The following MTMR12 variants were observed in gnomAD, a reference collection of about 807,000 sequenced individuals.
The protein encoded by MTMR12 is myotubularin-related protein 12.
Under a neutral mutation model 96.7 loss-of-function variants are expected in MTMR12, and 33 were observed. The ratio of observed to expected loss-of-function variants is 0.34; its 90% confidence interval spans 0.26 to 0.46. The LOEUF is 0.46. Ranked by LOEUF, MTMR12 falls within the 20% of genes least tolerant of loss-of-function variation. MTMR12 has a pLI of 1.00. For synonymous variants in MTMR12, 298 were observed against 327.2 expected (o/e 0.91, Z 0.96); for missense variants, 721 against 896.1 (o/e 0.80, Z 2.49).
At chr5:32,277,222 C>T (rs1383880402) in intron 1 of MTMR12, among the ~76,000 whole-genome samples, 3 of 151,952 alleles carry the variant, frequency 2.0e-5, no homozygotes, top group East Asian at 1.9e-4. Context: ...AGTGTTCTAA[C>T]TAAAGGAAGA....
intron 5 of MTMR12, among the ~76,000 whole-genome samples, chr5:32,270,010 A>G (rs186689318): frequency 2.4e-4 from 36 of 152,290 alleles, no homozygotes; most frequent in African/African-American, 8.7e-4. Context: ...CACACTACTT[A>G]AAGGAAATTA....
At chr5:32,240,040 C>T (rs75547547) in intron 12 of MTMR12, among the ~76,000 whole-genome samples, 3,574 of 152,296 alleles carry the variant, frequency 0.023, 55 homozygotes, top group African/African-American at 0.032. Flanking sequence ...AGGTGCAACT[C>T]GAGTTGTTTT....
intron 7 of MTMR12, among the ~76,000 whole-genome samples, chr5:32,257,019 C>T (rs762322885): frequency 6.6e-5 from 10 of 152,250 alleles, no homozygotes; most frequent in Non-Finnish European, 1.5e-4. Context: ...CGCAGTGGCT[C>T]ACACCTGTAA....
chr5:32,310,686 T>A (rs1751546571), intron 1 of MTMR12, among the ~76,000 whole-genome samples: 1 of 152,060 alleles, frequency 6.6e-6, no homozygotes, highest in African/African-American at 2.4e-5. Flanking sequence ...GTTTAATGGG[T>A]ACAAAAACAC....
chr5:32,263,813 G>C (rs1227651696), intron 6 of MTMR12, among the ~76,000 whole-genome samples: 1 of 152,140 alleles, frequency 6.6e-6, no homozygotes, highest in African/African-American at 2.4e-5. Context: ...CTAGTCATCT[G>C]ACCATGAGTT....
At chr5:32,296,491 C>T (rs774447425) in intron 1 of MTMR12, 3 of 360,936 alleles carry the variant, frequency 8.3e-6, no homozygotes, top group Admixed American at 3.0e-5. Context: ...AAAAAAGAAA[C>T]GAGAAAAAAA....
In MTMR12 at chr5:32,233,081, G is replaced by A. The variant is rs1290103085; in HGVS notation, c.1674+692C>T. The A allele has an allele frequency of 1.1e-6, 1 of 920,138 alleles. No homozygotes were observed. Among genetic ancestry groups the A allele is most frequent in the Non-Finnish European group, 1.3e-6 (1 of 770,626 alleles). 57.0% of individuals were successfully genotyped at this position (920,138 alleles called of 1,614,324 possible). ...GAACTTTGGGATTATCAACTAAAAT[G>A]ACTTTCTGACATTTGTGGCTCATAG... is the stretch of plus-strand genomic sequence containing the variant. On this transcript the variant is annotated intron_variant, in intron 15 of 15. Transcript: ENST00000382142. The surrounding 1 kb of genome is among the most constrained non-coding windows in gnomAD (Gnocchi z 5.0).
intron 1 of MTMR12, among the ~76,000 whole-genome samples, chr5:32,304,264 G>A (rs75704851): frequency 0.015 from 2,220 of 151,930 alleles, 37 homozygotes; most frequent in East Asian, 0.069. Flanking sequence ...AGGTTGCAGT[G>A]AGCCAAGATC....
At chr5:32,231,356 G>A (rs1747988676) in intron 15 of MTMR12, among the ~76,000 whole-genome samples, 2 of 142,876 alleles carry the variant, frequency 1.4e-5, no homozygotes, top group Admixed American at 7.0e-5. Context: ...TCCAGCCTGG[G>A]CAATGACAGC....
chr5:32,309,914 G>A (rs959156045), intron 1 of MTMR12: 3 of 152,156 alleles, frequency 2.0e-5, no homozygotes, highest in Non-Finnish European at 2.9e-5. Context: ...TGGTGGGAAC[G>A]TAAATCAATA....
chr5:32,283,260 G>T, intron 1 of MTMR12, among the ~76,000 whole-genome samples: 1 of 152,152 alleles, frequency 6.6e-6, no homozygotes, highest in East Asian at 1.9e-4. Flanking sequence ...AGTCACTTGT[G>T]GACTGTAGAC....
At chr5:32,279,720 G>GC (rs988462846) in intron 1 of MTMR12, among the ~76,000 whole-genome samples, 2 of 152,214 alleles carry the variant, frequency 1.3e-5, no homozygotes, top group African/African-American at 4.8e-5. Flanking sequence ...CACGGACCTG[G>GC]CAGGGGGGCA....
At chr5:32,244,354 C>T (rs1350639527) in intron 10 of MTMR12, among the ~76,000 whole-genome samples, 2 of 151,240 alleles carry the variant, frequency 1.3e-5, no homozygotes, top group Non-Finnish European at 2.9e-5. Context: ...CTTTGGGAGG[C>T]GGAGGTGGGC....
intron 11 of MTMR12, among the ~76,000 whole-genome samples, chr5:32,242,674 C>T (rs1458364662): frequency 2.6e-5 from 4 of 151,786 alleles, no homozygotes; most frequent in African/African-American, 2.4e-5. Flanking sequence ...CTCCTACCCC[C>T]CAGCCACCTT....
At position 32,240,836 on chromosome 5, in the gene MTMR12, A is replaced by G. The variant is rs1348890234; in HGVS notation, c.1171+1221T>C. ...GGCTGGTCTCCAACTCCTGGCCCCA[A>G]GTGATCTGCCTGCCTTGGCCTCCCA... On this transcript the variant is annotated intron_variant, in intron 12 of 15. Coordinates refer to ENST00000382142, the MANE Select transcript of MTMR12 (RefSeq NM_001040446.3). 2.0e-5 allele frequency among the ~76,000 whole-genome samples: 3 copies of G among 152,252 alleles called. No homozygotes were observed. In the East Asian group the frequency reaches 5.8e-4, roughly 29 times the overall value.
intron 1 of MTMR12, among the ~76,000 whole-genome samples, chr5:32,296,736 G>A (rs1750941278): frequency 6.6e-6 from 1 of 151,748 alleles, no homozygotes; most frequent in African/African-American, 2.4e-5. Context: ...AGGAGTTGAA[G>A]GTTGCAGTGA....
At chr5:32,300,627 G>A (rs1250264676) in intron 1 of MTMR12, among the ~76,000 whole-genome samples, 2 of 152,132 alleles carry the variant, frequency 1.3e-5, no homozygotes, top group Admixed American at 1.3e-4. Context: ...CATACTTACT[G>A]CGCTCCTCAG....
At chr5:32,286,022 T>C (rs1750527426) in intron 1 of MTMR12, among the ~76,000 whole-genome samples, 2 of 152,106 alleles carry the variant, frequency 1.3e-5, no homozygotes, top group African/African-American at 4.8e-5. Flanking sequence ...CCTGAACATG[T>C]TAAGTACCAA....
At position 32,233,916 on chromosome 5, in the gene MTMR12, T is replaced by C. The variant is rs773784329; in HGVS notation, c.1531A>G (p.Thr511Ala). 10 of 1,614,206 alleles carry C rather than the reference T, an allele frequency of 6.2e-6. No homozygotes were observed. The South Asian group carries it at 1.1e-4, about 18-fold the overall frequency. Reference sequence around the variant, plus strand: ...AGCAGATTCAAAGGCTTGCTTTGTGTATCCTGGCCTTCTCTACCCTGCCAA... The same window carrying C: ...AGCAGATTCAAAGGCTTGCTTTGTGCATCCTGGCCTTCTCTACCCTGCCAA... ...DTNMGREGQD[T>A]QSKPLNLLTV... The change falls in exon 15 of 16, where the codon ACA becomes GCA. Residue 511 changes from threonine to alanine, a missense_variant. Transcript: ENST00000382142. This position sits in a 1 kb window ranked among gnomAD's most constrained non-coding sequence, Gnocchi z 5.0.
Sources: gnomAD v4.1 joint callset for allele counts (sites outside exome capture counted in the v4.1 genomes callset) on GRCh38, gnomAD v4.1.1 for gene constraint, Gnocchi (gnomAD v3.1) non-coding constraint, MANE v1.5 for transcripts, NCBI Gene and HGNC (gene_info 2026-07-23, HGNC 2026-07-21) for gene names.